The following OTOF variants were observed in gnomAD, a reference collection of about 807,000 sequenced individuals.
The protein encoded by OTOF is otoferlin.
Under a neutral mutation model 236.8 loss-of-function variants are expected in OTOF, and 218 were observed. The ratio of observed to expected loss-of-function variants is 0.92; its 90% CI spans 0.82 to 1.03. The LOEUF (loss-of-function observed/expected upper bound fraction) is 1.03, where lower values mean the gene tolerates loss of function less well. Ranked by LOEUF, OTOF falls within the 50% of genes least tolerant of loss-of-function variation. The pLI is 0.00. For synonymous variants in OTOF, 1,041 were observed against 1,072.5 expected (o/e 0.97, Z 0.57); for missense variants, 2,590 against 2,694.4 (o/e 0.96, Z 0.86).
chr2:26,482,627 A>ATG, intron 13 of OTOF, 35 bp from the exon 14 acceptor site: 2 of 1,586,084 alleles, frequency 1.3e-6, no homozygotes, highest in Non-Finnish European at 8.6e-7. Context: ...AGGGCGTGGC[A>ATG]TGTGTGTGTG....
chr2:26,490,166 C>T (rs1183241896), intron 9 of OTOF, among the ~76,000 whole-genome samples: 1 of 152,210 alleles, frequency 6.6e-6, no homozygotes, highest in Non-Finnish European at 1.5e-5. Flanking sequence ...TGACACCCAC[C>T]TCAGAGTCTT....
Position 26,485,798 on chromosome 2 carries a change from C to T in OTOF, c.1046-1165G>A, listed in dbSNP as rs373562649. Among the ~76,000 whole-genome samples, 58 of 152,308 alleles carry T rather than the reference C, an allele frequency of 3.8e-4. No individual in the cohort carries two copies. In the South Asian group the frequency reaches 4.8e-3, roughly 13 times the overall value. On this transcript the variant is annotated intron_variant, in intron 11 of 46. Transcript: ENST00000272371. ...AGAGGTTGGCCTTTCTGGGAATAGC[C>T]AGGCCACCTGTGTCTCAGAAAAGAT...
intron 2 of OTOF, among the ~76,000 whole-genome samples, chr2:26,533,745 G>A (rs186506426): frequency 6.6e-6 from 1 of 152,090 alleles, no homozygotes; most frequent in African/African-American, 2.4e-5. Flanking sequence ...ACAGGCCTGC[G>A]GTGACAGGTG....
At chr2:26,536,455 G>A (rs1416568653) in intron 2 of OTOF, among the ~76,000 whole-genome samples, 1 of 152,168 alleles carries the variant, frequency 6.6e-6, no homozygotes, top group Non-Finnish European at 1.5e-5. Flanking sequence ...GCGCCCTGAA[G>A]TGGTTGGGGA....
rs1344236383 is a variant in OTOF at position 26,457,879 on chromosome 2, G to T, written c.*359C>A. ...ACTGGGCAAGCCGCAGCCTGGGGCA[G>T]TGAGGACAGGCGGCCCCCGCAAGCA... is the stretch of plus-strand genomic sequence containing the variant. On this transcript the variant is annotated 3_prime_UTR_variant, in exon 47 of 47. Transcript: ENST00000272371. The surrounding 1 kb of genome is among the most constrained non-coding windows in gnomAD (Gnocchi z 4.4). 1.4e-6 allele frequency: 1 copy of T among 721,780 alleles called. No homozygotes were observed. Among genetic ancestry groups the T allele is most frequent in the South Asian group, 1.8e-5 (1 of 56,772 alleles). 44.7% of individuals were successfully genotyped at this position (721,780 alleles called of 1,614,324 possible).
At chr2:26,503,889 A>AGGGAGAGG in intron 5 of OTOF, 44 bp from the exon 6 acceptor site, 1 of 1,539,172 alleles carries the variant, frequency 6.5e-7, no homozygotes. Context: ...AGAGGGACGC[A>AGGGAGAGG]TGGAGGAAAA....
At chr2:26,459,944 A>G (rs1664378734) in intron 46 of OTOF, 64 bp downstream of exon 46, 3 of 1,397,580 alleles carry the variant, frequency 2.1e-6, no homozygotes, top group Non-Finnish European at 2.9e-6. Flanking sequence ...GTGCGTGTAT[A>G]TGTGTGTGTG....
chr2:26,504,369 G>A (rs1666197026), intron 5 of OTOF, among the ~76,000 whole-genome samples: 1 of 152,182 alleles, frequency 6.6e-6, no homozygotes, highest in Non-Finnish European at 1.5e-5. Flanking sequence ...TGGTTGAAAC[G>A]AGCTGTTCAG....
chr2:26,465,824 G>A lies in OTOF; in HGVS notation c.4647C>T (p.Ala1549=). The change falls in exon 38 of 47, where the codon GCC becomes GCT. Residue 1549 remains alanine, a synonymous_variant. Transcript: ENST00000272371. ...PVFGKSFDIE[A]SFPMESMLTV... is the part of the protein sequence containing the mutation. ...TCAGCATGGATTCCATGGGGAAGGA[G>A]GCCTCGATGTCAAAGGACCTGGTGG... 1 of 1,614,256 alleles carries A rather than the reference G, an allele frequency of 6.2e-7. No homozygotes were observed. The highest frequency in any genetic ancestry group is 8.5e-7 in the Non-Finnish European group (1 of 1,180,050).
In OTOF at chr2:26,479,473, C is replaced by A; in HGVS notation, c.2093G>T (p.Arg698Met). Residue 698 changes from arginine to methionine, a missense_variant and splice_region_variant, in exon 17 of 47, where the codon AGG becomes ATG. Arg to Met is a moderately conservative substitution (Grantham distance 91, BLOSUM62 -1). This residue lies in a region of OTOF where 1,379 missense variants were observed against 1,341.6 expected (regional missense o/e 1.03). Coordinates refer to ENST00000272371, the MANE Select transcript of OTOF (RefSeq NM_194248.3). The part of the protein sequence containing the change: ...TPPMRPQVTD[R>M]NYFHLPYLER... ...CAGGAGGATGGGAGGCTGGGCCCACCTGTCGGTGACCTGGGGCCGCATTGG... is the reference window on the plus strand; with the variant it reads ...CAGGAGGATGGGAGGCTGGGCCCACATGTCGGTGACCTGGGGCCGCATTGG... The A allele has an allele frequency of 6.2e-7, 1 of 1,601,592 alleles. No individual in the cohort carries two copies. Among genetic ancestry groups the A allele is most frequent in the Non-Finnish European group, 8.5e-7 (1 of 1,174,988 alleles).
chr2:26,557,972 G>A (rs569206663), intron 1 of OTOF, among the ~76,000 whole-genome samples: 3 of 151,994 alleles, frequency 2.0e-5, no homozygotes, highest in South Asian at 2.1e-4. Context: ...GAAGAGAGGC[G>A]AGGGGCTCCC....
At chr2:26,554,818 A>G (rs1325957273) in intron 1 of OTOF, among the ~76,000 whole-genome samples, 1 of 152,088 alleles carries the variant, frequency 6.6e-6, no homozygotes, top group African/African-American at 2.4e-5. Context: ...GTGGAGGGGG[A>G]TGCCCTGCAA....
chr2:26,466,031 A>T lies in OTOF; in HGVS notation c.4546T>A (p.Tyr1516Asn). 1 of 1,614,172 alleles carries T rather than the reference A, an allele frequency of 6.2e-7. No individual in the cohort carries two copies. Among genetic ancestry groups the T allele is most frequent in the Non-Finnish European group, 8.5e-7 (1 of 1,180,024 alleles). ...PADINGKADP[Y>N]IAIRLGKTDI... Reference sequence around the variant, plus strand: ...GTCTTGCCTAGCCGGATGGCGATGTAGGGGTCAGCTTTGCCGTTGATGTCA... The same window carrying T: ...GTCTTGCCTAGCCGGATGGCGATGTTGGGGTCAGCTTTGCCGTTGATGTCA... Residue 1516 changes from tyrosine (Y) to asparagine (N), a missense_variant, in exon 37 of 47, where the codon TAC becomes AAC. Transcript: ENST00000272371.
rs1666485691 is a variant in OTOF, at chr2:26,514,981, C to T, written c.509+1437G>A. Among the ~76,000 whole-genome samples, 3 of 152,240 alleles carry T rather than the reference C, an allele frequency of 2.0e-5. No individual in the cohort carries two copies. In the South Asian group the frequency reaches 6.2e-4, roughly 32 times the overall value. ...CCCGTCTGAGCACTGCTCCTCTTCT[C>T]ACAATTTCCAACCCGATTCCTGACT... On this transcript the variant is annotated intron_variant, in intron 5 of 46. Transcript: ENST00000272371.
intron 1 of OTOF, among the ~76,000 whole-genome samples, chr2:26,553,869 C>T (rs1261471202): frequency 2.0e-5 from 3 of 152,100 alleles, no homozygotes; most frequent in African/African-American, 7.2e-5. Context: ...TGGAGCTGAA[C>T]TTGCTAATAT....
At chr2:26,469,001 T>C (rs1664859850) in intron 32 of OTOF, among the ~76,000 whole-genome samples, 2 of 151,960 alleles carry the variant, frequency 1.3e-5, no homozygotes. Flanking sequence ...TGCATACATA[T>C]GTAACAAACC....
chr2:26,492,873 G>A (rs1309962202), intron 9 of OTOF, among the ~76,000 whole-genome samples: 1 of 152,232 alleles, frequency 6.6e-6, no homozygotes, highest in Non-Finnish European at 1.5e-5. Flanking sequence ...GTGAGTAGGA[G>A]TTTTCTGGGG....
chr2:26,473,125 G>C lies in OTOF; in HGVS notation c.3733+7C>G. The C allele has an allele frequency of 6.2e-7, 1 of 1,610,840 alleles. No homozygotes were observed. Among genetic ancestry groups the C allele is most frequent in the Non-Finnish European group, 8.5e-7 (1 of 1,179,352 alleles). On this transcript the variant is annotated splice_region_variant and intron_variant, in intron 29 of 46. Transcript: ENST00000272371. This position sits in a 1 kb window ranked among gnomAD's most constrained non-coding sequence, Gnocchi z 7.2. ...CAGGCTTGGTGGCAGGGTGGATGTGGCCATACCCGTGGTGTTCCAGCTGGG... is the reference window on the plus strand; with the variant it reads ...CAGGCTTGGTGGCAGGGTGGATGTGCCCATACCCGTGGTGTTCCAGCTGGG...
chr2:26,465,451 G>A (rs999248248), intron 38 of OTOF, among the ~76,000 whole-genome samples: 16 of 152,134 alleles, frequency 1.1e-4, no homozygotes, highest in African/African-American at 2.9e-4. Context: ...GTCTCTCCTC[G>A]TCCTGCCTCC....
Sources: allele counts gnomAD v4.1 joint callset (sites outside exome capture counted in the v4.1 genomes callset), GRCh38; gene constraint gnomAD v4.1.1; regional missense constraint gnomAD v4.1.1; non-coding constraint Gnocchi (gnomAD v3.1); transcripts MANE v1.5; gene names NCBI Gene and HGNC (gene_info 2026-07-23, HGNC 2026-07-21).